Variants in ROBO2 observed in about 807,000 individuals in gnomAD.
ROBO2 encodes the protein roundabout guidance receptor 2.
In ROBO2, 53 loss-of-function variants were observed where a neutral mutation model predicts 160.8. The observed-to-expected ratio is 0.33, with a 90% CI of 0.26 to 0.41. The LOEUF (loss-of-function observed/expected upper bound fraction) is 0.41. ROBO2 is among the 10% of genes least tolerant of loss of function. ROBO2 has a pLI of 1.00. For missense variants in ROBO2, 1,577 were observed against 1,722.4 expected (o/e 0.92, Z 1.49); for synonymous variants, 664 against 611.7 (o/e 1.09, Z -1.26).
chr3:76,070,536 G>A (rs1322318000), intron 2 of ROBO2, among the ~76,000 whole-genome samples: 4 of 152,108 alleles, frequency 2.6e-5, no homozygotes, highest in South Asian at 4.2e-4. Flanking sequence ...TTTTAATTTC[G>A]CCCCTGTCCT....
At chr3:76,680,765 T>C (rs1011453780) in intron 2 of ROBO2, among the ~76,000 whole-genome samples, 15 of 151,970 alleles carry the variant, frequency 9.9e-5, no homozygotes, top group African/African-American at 3.1e-4. Flanking sequence ...ATAATTTATA[T>C]TTTATTTTTA....
chr3:76,383,848 T>A (rs190394454), intron 2 of ROBO2, among the ~76,000 whole-genome samples: 2 of 152,362 alleles, frequency 1.3e-5, no homozygotes, highest in East Asian at 3.9e-4. Context: ...TTGTGAACTC[T>A]ATGTAAGGTT....
intron 2 of ROBO2, among the ~76,000 whole-genome samples, chr3:77,364,129 G>T (rs1006503608): frequency 5.3e-5 from 8 of 152,162 alleles, no homozygotes; most frequent in African/African-American, 1.9e-4. Context: ...TCTTTCCAGT[G>T]CTTCTCCATT....
chr3:77,506,154 C>T (rs982398129), intron 5 of ROBO2, among the ~76,000 whole-genome samples: 6 of 152,232 alleles, frequency 3.9e-5, no homozygotes, highest in African/African-American at 9.6e-5. Context: ...GGACCCAGGA[C>T]GCCCTTCATT....
chr3:77,063,648 T>C (rs1021783399), intron 1 of ROBO2, among the ~76,000 whole-genome samples: 1 of 152,202 alleles, frequency 6.6e-6, no homozygotes, highest in African/African-American at 2.4e-5. Flanking sequence ...TGAAGAGCTC[T>C]TTGCTCTTAA....
At chr3:76,787,204 C>G (rs1452707949) in intron 2 of ROBO2, among the ~76,000 whole-genome samples, 2 of 151,252 alleles carry the variant, frequency 1.3e-5, no homozygotes, top group Non-Finnish European at 3.0e-5. Flanking sequence ...GGACACAGAG[C>G]CAAACCATAT....
chr3:77,525,424 TA>T (rs34783219), intron 6 of ROBO2, among the ~76,000 whole-genome samples: 9 of 146,788 alleles, frequency 6.1e-5, no homozygotes, highest in East Asian at 2.0e-4. Flanking sequence ...AAATATGCTT[TA>T]AAAAAAAAAA....
At chr3:77,079,987 G>T (rs1216392796) in intron 1 of ROBO2, among the ~76,000 whole-genome samples, 2 of 152,188 alleles carry the variant, frequency 1.3e-5, no homozygotes, top group African/African-American at 4.8e-5. Context: ...CCACCATACA[G>T]TGTTAAATAA....
At position 77,308,480 on chromosome 3, in the gene ROBO2, T is replaced by C. The variant is rs62251207; in HGVS notation, c.389-168934T>C. Reference sequence around the variant, plus strand: ...ACTCCCAACGTTGTGTCAGTGACGCTGGATATATCCAAATAGACTGATAGG... The same window carrying C: ...ACTCCCAACGTTGTGTCAGTGACGCCGGATATATCCAAATAGACTGATAGG... On this transcript the variant is annotated intron_variant, in intron 2 of 25. Coordinates refer to ENST00000461745, the Ensembl canonical transcript of ROBO2. Among the ~76,000 whole-genome samples, 398 of 152,260 alleles carry C rather than the reference T, an allele frequency of 2.6e-3. 2 individuals carry two copies. The highest frequency in any genetic ancestry group is 0.014 in the Middle Eastern group (4 of 294).
chr3:76,484,250 G>A (rs563017942), intron 2 of ROBO2, among the ~76,000 whole-genome samples: 2 of 152,230 alleles, frequency 1.3e-5, no homozygotes, highest in East Asian at 3.9e-4. Context: ...TTAAGTCTTG[G>A]TGCCATGTTC....
chr3:76,387,571 T>C (rs183017619), intron 2 of ROBO2, among the ~76,000 whole-genome samples: 21 of 152,302 alleles, frequency 1.4e-4, no homozygotes, highest in African/African-American at 5.1e-4. Flanking sequence ...ATGTGCCAGA[T>C]ATGGCACTAA....
chr3:76,029,649 G>A (rs2107700460), intron 2 of ROBO2, among the ~76,000 whole-genome samples: 1 of 152,238 alleles, frequency 6.6e-6, no homozygotes, highest in East Asian at 1.9e-4. Flanking sequence ...AGTTTGCTCA[G>A]AATGATGGTT....
chr3:76,091,466 C>T (rs1205021588), intron 2 of ROBO2, among the ~76,000 whole-genome samples: 1 of 152,132 alleles, frequency 6.6e-6, no homozygotes, highest in East Asian at 1.9e-4. Flanking sequence ...ACCTCTCATT[C>T]ATTGCTGCTG....
At chr3:76,244,811 G>A (rs1705518170) in intron 2 of ROBO2, among the ~76,000 whole-genome samples, 1 of 152,108 alleles carries the variant, frequency 6.6e-6, no homozygotes. Context: ...ATTACAAAAT[G>A]CTATAAAAAA....
chr3:76,404,018 A>G (rs556369255), intron 2 of ROBO2, among the ~76,000 whole-genome samples: 1 of 151,666 alleles, frequency 6.6e-6, no homozygotes, highest in African/African-American at 2.4e-5. Flanking sequence ...AACCATAGAC[A>G]GTGTATTTTC....
chr3:76,243,126 G>A (rs1044894785), intron 2 of ROBO2, among the ~76,000 whole-genome samples: 1 of 152,054 alleles, frequency 6.6e-6, no homozygotes, highest in Admixed American at 6.6e-5. Context: ...TTGCTGAGTC[G>A]CTTGATTAAC....
intron 2 of ROBO2, among the ~76,000 whole-genome samples, chr3:77,243,373 T>C (rs890616812): frequency 2.0e-5 from 3 of 152,178 alleles, no homozygotes; most frequent in African/African-American, 7.2e-5. Flanking sequence ...AAGACCTACA[T>C]GGTTATTTTT....
intron 2 of ROBO2, among the ~76,000 whole-genome samples, chr3:76,164,885 C>A (rs1369326755): frequency 6.6e-6 from 1 of 152,054 alleles, no homozygotes; most frequent in East Asian, 1.9e-4. Context: ...GACACTGGAA[C>A]CATGCCACAG....
intron 2 of ROBO2, among the ~76,000 whole-genome samples, chr3:76,563,067 A>T (rs1560154364): frequency 6.6e-6 from 1 of 151,660 alleles, no homozygotes; most frequent in Non-Finnish European, 1.5e-5. Context: ...AGTTGGCATG[A>T]TCTCTGAAAG....
Sources: gnomAD v4.1 joint callset for allele counts (sites outside exome capture counted in the v4.1 genomes callset) on GRCh38, gnomAD v4.1.1 for gene constraint, MANE v1.5 for transcripts, NCBI Gene and HGNC (gene_info 2026-07-23, HGNC 2026-07-21) for gene names.